NALF1: variants seen among roughly 807,000 people sequenced by gnomAD.
NALF1 encodes the protein family with sequence similarity 155 member A.
In NALF1, 3 loss-of-function variants were observed where a neutral mutation model predicts 48.4. The observed-to-expected ratio is 0.06, with a 90% CI of 0.03 to 0.16. The LOEUF (loss-of-function observed/expected upper bound fraction) is 0.16, where lower values mean the gene tolerates loss of function less well. Ranked by LOEUF, NALF1 falls within the 10% of genes least tolerant of loss-of-function variation. The probability of loss-of-function intolerance (pLI) is 1.00; values close to 1 mark genes in which losing one functional copy is unlikely to be tolerated. For synonymous variants in NALF1, 262 were observed against 245.7 expected, an observed-to-expected ratio of 1.07 and a Z score of -0.62; for missense variants, 526 against 571.5, an observed-to-expected ratio of 0.92 and a Z score of 0.81.
chr13:107,605,783 T>C lies in NALF1; in HGVS notation c.915+259899A>G, dbSNP rs556596359. On this transcript the variant is annotated intron_variant, in intron 1 of 2. Coordinates refer to ENST00000375915, the MANE Select transcript of NALF1 (RefSeq NM_001080396.3). ...CTCAAGTCCCTGCTGCTGGGAAACA[T>C]CCTCTCTGTACAGTGAAACATATTA... 5.9e-5 allele frequency among the ~76,000 whole-genome samples: 9 copies of C among 152,298 alleles called. No homozygotes were observed. In the East Asian group the frequency reaches 1.7e-3, roughly 29 times the overall value.
In NALF1 at chr13:107,243,140, G is replaced by A. The variant is rs146892437; in HGVS notation, c.916-32385C>T. Among the ~76,000 whole-genome samples, 413 of 152,166 alleles carry A rather than the reference G, an allele frequency of 2.7e-3. 3 individuals carry two copies. Among genetic ancestry groups the A allele is most frequent in the African/African-American group, 9.0e-3 (372 of 41,502 alleles). On this transcript the variant is annotated intron_variant, in intron 1 of 2. Transcript: ENST00000375915. ...CCAAATGTCTCCCCTGTCAGGCCTC[G>A]TCCTGACCTGACCGCTGCCTGGGGC...
chr13:107,838,893 G>A (rs1347979017), intron 1 of NALF1, among the ~76,000 whole-genome samples: 1 of 152,116 alleles, frequency 6.6e-6, no homozygotes, highest in African/African-American at 2.4e-5. Context: ...CATTTCACTT[G>A]TGAGTAATTA....
intron 1 of NALF1, among the ~76,000 whole-genome samples, chr13:107,487,411 A>T (rs1472689561): frequency 1.3e-5 from 2 of 152,156 alleles, no homozygotes; most frequent in Non-Finnish European, 2.9e-5. Context: ...CTTTTGTTTT[A>T]AAAAATGGGG....
Position 107,587,238 on chromosome 13 carries a change from T to C in NALF1, c.915+278444A>G, listed in dbSNP as rs369183529. Reference sequence around the variant, plus strand: ...CACAAGGCTTATAAGAGTTTCTACATATGAACTGCAGAGATTGAGGTGCTT... The same window carrying C: ...CACAAGGCTTATAAGAGTTTCTACACATGAACTGCAGAGATTGAGGTGCTT... On this transcript the variant is annotated intron_variant, in intron 1 of 2. Coordinates refer to ENST00000375915, the MANE Select transcript of NALF1 (RefSeq NM_001080396.3). 2.6e-5 allele frequency among the ~76,000 whole-genome samples: 4 copies of C among 152,186 alleles called. No individual in the cohort carries two copies. The South Asian group carries it at 6.2e-4, about 24-fold the overall frequency.
intron 1 of NALF1, among the ~76,000 whole-genome samples, chr13:107,380,074 T>A (rs1415702182): frequency 6.6e-6 from 1 of 150,670 alleles, no homozygotes; most frequent in East Asian, 1.9e-4. Flanking sequence ...ATATGGCTCC[T>A]TTTTTTTTCT....
intron 1 of NALF1, among the ~76,000 whole-genome samples, chr13:107,813,701 A>G (rs1879072049): frequency 6.6e-6 from 1 of 151,922 alleles, no homozygotes; most frequent in Admixed American, 6.6e-5. Context: ...ATATTCTGAC[A>G]TCGGGATGGG....
rs551090046 is a variant in NALF1, at chr13:107,790,881, T to C, written c.915+74801A>G. Among the ~76,000 whole-genome samples the C allele has an allele frequency of 1.2e-4, 18 of 152,238 alleles. No homozygotes were observed. In the South Asian group the frequency reaches 1.5e-3, roughly 12 times the overall value. Reference sequence around the variant, plus strand: ...ATAGACTTATAACAGTGTTACATCATATTAAAAATACAGGATTCTTATTCT... The same window carrying C: ...ATAGACTTATAACAGTGTTACATCACATTAAAAATACAGGATTCTTATTCT... On this transcript the variant is annotated intron_variant, in intron 1 of 2. Transcript: ENST00000375915.
In NALF1 at chr13:107,500,524, A is replaced by C. The variant is rs570158207; in HGVS notation, c.916-289769T>G. On this transcript the variant is annotated intron_variant, in intron 1 of 2. Coordinates refer to ENST00000375915, the MANE Select transcript of NALF1 (RefSeq NM_001080396.3). Reference sequence around the variant, plus strand: ...GTTGGTGGGACTGTAAACTAGTTCAACCATTGTGGAAGTCAGTGTGGCGAT... The same window carrying C: ...GTTGGTGGGACTGTAAACTAGTTCACCCATTGTGGAAGTCAGTGTGGCGAT... Among the ~76,000 whole-genome samples, 55 of 151,180 alleles carry C rather than the reference A, an allele frequency of 3.6e-4. No individual in the cohort carries two copies. The South Asian group carries it at 0.011, about 31-fold the overall frequency.
chr13:107,249,442 G>C (rs1039280324), intron 1 of NALF1, among the ~76,000 whole-genome samples: 1 of 152,050 alleles, frequency 6.6e-6, no homozygotes, highest in South Asian at 2.1e-4. Flanking sequence ...GAAAATGCCA[G>C]GAAATTGTCT....
intron 1 of NALF1, among the ~76,000 whole-genome samples, chr13:107,667,918 T>G (rs1000597635): frequency 6.6e-6 from 1 of 152,168 alleles, no homozygotes; most frequent in African/African-American, 2.4e-5. Flanking sequence ...TGGCAAAAAG[T>G]ACACGAACCA....
chr13:107,276,972 A>C (rs189178870), intron 1 of NALF1, among the ~76,000 whole-genome samples: 181 of 152,204 alleles, frequency 1.2e-3, no homozygotes, highest in Middle Eastern at 6.8e-3. Flanking sequence ...AAATCCTCCC[A>C]AAAACACTTC....
intron 1 of NALF1, among the ~76,000 whole-genome samples, chr13:107,318,716 A>G (rs1401749978): frequency 6.6e-6 from 1 of 152,028 alleles, no homozygotes; most frequent in Non-Finnish European, 1.5e-5. Context: ...TTTCCTACAA[A>G]TGTTCTTGTA....
At chr13:107,379,747 C>T (rs764343359) in intron 1 of NALF1, among the ~76,000 whole-genome samples, 2 of 152,180 alleles carry the variant, frequency 1.3e-5, no homozygotes, top group Admixed American at 6.5e-5. Flanking sequence ...CCAGCCTGAT[C>T]GCTTCTTATT....
intron 1 of NALF1, among the ~76,000 whole-genome samples, chr13:107,373,082 A>C (rs1347326334): frequency 1.3e-5 from 2 of 152,216 alleles, no homozygotes; most frequent in Non-Finnish European, 2.9e-5. Flanking sequence ...TGAGTTACAT[A>C]ATCATGACAT....
intron 1 of NALF1, among the ~76,000 whole-genome samples, chr13:107,266,493 T>C (rs1323180930): frequency 6.6e-6 from 1 of 152,180 alleles, no homozygotes; most frequent in Admixed American, 6.5e-5. Context: ...TTAGGTTATT[T>C]TCTCACTACT....
intron 1 of NALF1, among the ~76,000 whole-genome samples, chr13:107,222,013 T>C (rs1041472434): frequency 2.0e-5 from 3 of 152,192 alleles, no homozygotes; most frequent in African/African-American, 4.8e-5. Flanking sequence ...GCAACTGTTA[T>C]GTGCGTTTTG....
chr13:107,449,467 C>A (rs1317405098), intron 1 of NALF1, among the ~76,000 whole-genome samples: 1 of 151,918 alleles, frequency 6.6e-6, no homozygotes, highest in Non-Finnish European at 1.5e-5. Flanking sequence ...ATTTGGACGA[C>A]AAAAGAGATT....
At chr13:107,842,122 AC>A in intron 1 of NALF1, among the ~76,000 whole-genome samples, 1 of 152,166 alleles carries the variant, frequency 6.6e-6, no homozygotes, top group Middle Eastern at 3.6e-3. Flanking sequence ...ATAAGGTAAA[AC>A]AAGCAATTGA....
intron 1 of NALF1, among the ~76,000 whole-genome samples, chr13:107,661,229 C>A (rs557300017): frequency 6.6e-6 from 1 of 152,124 alleles, no homozygotes; most frequent in African/African-American, 2.4e-5. Context: ...CAACTTCCAG[C>A]CACCCCACAC....
Sources: allele counts gnomAD v4.1 joint callset (sites outside exome capture counted in the v4.1 genomes callset), GRCh38; gene constraint gnomAD v4.1.1; transcripts MANE v1.5; gene names NCBI Gene and HGNC (gene_info 2026-07-23, HGNC 2026-07-21).